LRP6: variants seen among roughly 807,000 people sequenced by gnomAD.
LRP6 encodes the protein low-density lipoprotein receptor-related protein 6.
LRP6 carries 43 observed loss-of-function variants against 184.1 expected under a neutral mutation model. That is an observed-to-expected ratio of 0.23 (90% confidence interval 0.18 to 0.30). The LOEUF is 0.30. LRP6 is among the 10% of genes least tolerant of loss of function. The pLI, the probability that LRP6 is intolerant of heterozygous loss-of-function variation, is 1.00. For missense variants in LRP6, 1,571 were observed against 2,005.3 expected, an observed-to-expected ratio of 0.78 and a Z score of 4.14; for synonymous variants, 719 against 684.9, an observed-to-expected ratio of 1.05 and a Z score of -0.78.
At chr12:12,138,860 A>G (rs961201530) in intron 15 of LRP6, 1 of 1,379,024 alleles carries the variant, frequency 7.3e-7, no homozygotes. Flanking sequence ...TCTCTGGAGG[A>G]GCAGTGGTGG....
At chr12:12,151,207 G>A (rs1175147227) in intron 12 of LRP6, among the ~76,000 whole-genome samples, 169 bp from the exon 13 acceptor site, 1 of 152,162 alleles carries the variant, frequency 6.6e-6, no homozygotes, top group African/African-American at 2.4e-5. Flanking sequence ...TCTCTTCAGA[G>A]TAACACTAAT....
At chr12:12,160,441 A>G (rs1473533789) in intron 10 of LRP6, among the ~76,000 whole-genome samples, 1 of 152,218 alleles carries the variant, frequency 6.6e-6, no homozygotes, top group African/African-American at 2.4e-5. Flanking sequence ...GCAGAAGTAC[A>G]TGAAAGGTAA....
chr12:12,247,525 C>T (rs1865218464), intron 1 of LRP6, among the ~76,000 whole-genome samples: 1 of 152,210 alleles, frequency 6.6e-6, no homozygotes, highest in Admixed American at 6.5e-5. Flanking sequence ...TTTAAGTTAG[C>T]AATACTGGTT....
At chr12:12,126,320 T>C (rs1949670560) in intron 20 of LRP6, among the ~76,000 whole-genome samples, 1 of 152,212 alleles carries the variant, frequency 6.6e-6, no homozygotes, top group South Asian at 2.1e-4. Context: ...ATTTTTGGCC[T>C]CCTTTTATTC....
chr12:12,240,863 C>G (rs1301717501), intron 2 of LRP6, among the ~76,000 whole-genome samples: 1 of 152,162 alleles, frequency 6.6e-6, no homozygotes, highest in African/African-American at 2.4e-5. Flanking sequence ...ATCACCTCTA[C>G]TCACTGTAAC....
At chr12:12,237,105 TCA>T (rs1864947835) in intron 2 of LRP6, among the ~76,000 whole-genome samples, 1 of 152,088 alleles carries the variant, frequency 6.6e-6, no homozygotes, top group Non-Finnish European at 1.5e-5. Context: ...GATGTTCCTA[TCA>T]CCCAGGAAAT....
At chr12:12,213,710 G>GTA (rs560625130) in intron 2 of LRP6, among the ~76,000 whole-genome samples, 58 of 151,906 alleles carry the variant, frequency 3.8e-4, no homozygotes, top group African/African-American at 1.3e-3. Flanking sequence ...TTTCCTAACG[G>GTA]TAAATTCTTC....
intron 2 of LRP6, among the ~76,000 whole-genome samples, chr12:12,234,913 T>C (rs1421687656): frequency 6.6e-6 from 1 of 151,900 alleles, no homozygotes; most frequent in African/African-American, 2.4e-5. Context: ...ATCAACTCAT[T>C]TGTACATAAA....
intron 15 of LRP6, among the ~76,000 whole-genome samples, chr12:12,140,272 T>C (rs1316450763): frequency 6.6e-6 from 1 of 151,594 alleles, no homozygotes; most frequent in South Asian, 2.1e-4. Context: ...AAAGAGCCCT[T>C]GGAAATTAAA....
intron 1 of LRP6, among the ~76,000 whole-genome samples, chr12:12,250,239 A>G (rs1231027329): frequency 6.6e-6 from 1 of 152,038 alleles, no homozygotes; most frequent in Non-Finnish European, 1.5e-5. Flanking sequence ...TCTACCTAGG[A>G]CTCTAAATTA....
In LRP6 at chr12:12,118,823, A is replaced by G. The variant is rs1397876628; in HGVS notation, c.*2303T>C. 6.6e-6 allele frequency: 1 copy of G among 151,610 alleles called. No individual in the cohort carries two copies. Among genetic ancestry groups the G allele is most frequent in the East Asian group, 1.9e-4 (1 of 5,188 alleles). 9.4% of individuals were successfully genotyped at this position (151,610 alleles called of 1,614,324 possible). ...AAATTAGTATTTTGAAGAAGAGGCC[A>G]TTGCCATCGCAGTGCAAGCACGTGG... On this transcript the variant is annotated 3_prime_UTR_variant, in exon 23 of 23. Transcript: ENST00000261349.
Position 12,232,509 on chromosome 12 carries a change from TGAAG to T in LRP6, c.449+11749_449+11752del, listed in dbSNP as rs780907855. ...TCAGAATTCTCAAGGACAGCCTCTC[TGAAG>T]ATCTGTTCACAGTCCAAAACTATAT... On this transcript the variant is annotated intron_variant, in intron 2 of 22. Coordinates refer to ENST00000261349, the MANE Select transcript of LRP6 (RefSeq NM_002336.3). 2.1e-4 allele frequency among the ~76,000 whole-genome samples: 32 copies of T among 150,650 alleles called. No homozygotes were observed. In the Middle Eastern group the frequency reaches 0.01, roughly 49 times the overall value.
intron 5 of LRP6, among the ~76,000 whole-genome samples, chr12:12,182,845 T>C (rs892153608): frequency 1.3e-5 from 2 of 152,192 alleles, no homozygotes; most frequent in Non-Finnish European, 2.9e-5. Context: ...ACAGTTAACT[T>C]AAGGCTACTA....
intron 2 of LRP6, among the ~76,000 whole-genome samples, chr12:12,212,738 C>CAATAAAAT (rs1864244613): frequency 6.6e-6 from 1 of 152,120 alleles, no homozygotes; most frequent in Non-Finnish European, 1.5e-5. Flanking sequence ...ATTAAATGGT[C>CAATAAAAT]TCATAGAGAG....
chr12:12,160,860 T>C (rs946161155), intron 10 of LRP6, among the ~76,000 whole-genome samples: 1 of 152,208 alleles, frequency 6.6e-6, no homozygotes, highest in Middle Eastern at 3.2e-3. Context: ...ATACTGGAAC[T>C]AAAAAAGCAC....
rs773371239 is a variant in LRP6, at chr12:12,148,092, CTATT to C, written c.3207-540_3207-537del. On this transcript the variant is annotated intron_variant, in intron 14 of 22. Coordinates refer to ENST00000261349, the MANE Select transcript of LRP6 (RefSeq NM_002336.3). ...AATCCTTTTATAAATATATACATAT[CTATT>C]TATATATTTACATTTTTAAAAGGTC... 7.3e-5 allele frequency among the ~76,000 whole-genome samples: 11 copies of C among 150,024 alleles called. No homozygotes were observed. In the East Asian group the frequency reaches 1.4e-3, roughly 19 times the overall value.
intron 7 of LRP6, among the ~76,000 whole-genome samples, chr12:12,171,350 A>G (rs919878050): frequency 6.6e-6 from 1 of 152,026 alleles, no homozygotes; most frequent in Middle Eastern, 3.2e-3. Context: ...CTCCATCTCT[A>G]CTAAAAACAC....
chr12:12,186,108 A>G (rs1008512253), intron 4 of LRP6, among the ~76,000 whole-genome samples: 2 of 152,096 alleles, frequency 1.3e-5, no homozygotes, highest in Admixed American at 6.5e-5. Flanking sequence ...TTGGCCTCCC[A>G]AAGTGTGGGA....
At chr12:12,134,452 T>C (rs1405750972) in intron 17 of LRP6, among the ~76,000 whole-genome samples, 1 of 152,230 alleles carries the variant, frequency 6.6e-6, no homozygotes, top group Admixed American at 6.5e-5. Flanking sequence ...AATACTATTG[T>C]GGTGCCTGAT....
Sources: gnomAD v4.1 joint callset for allele counts (sites outside exome capture counted in the v4.1 genomes callset) on GRCh38, gnomAD v4.1.1 for gene constraint, MANE v1.5 for transcripts, NCBI Gene and HGNC (gene_info 2026-07-23, HGNC 2026-07-21) for gene names.